Variants in CIMAP2 observed in about 807,000 individuals in gnomAD.
The protein encoded by CIMAP2 is ciliary microtubule-associated protein 2.
chr1:54,813,748 GA>G, the CIMAP2 span: 1 of 1,495,008 alleles, frequency 6.7e-7, no homozygotes, highest in African/African-American at 1.4e-5. Flanking sequence ...GGTTGCGGGG[GA>G]GGGTTGAGAA....
At chr1:54,819,257 T>C in the CIMAP2 span, among the ~76,000 whole-genome samples, 1 of 152,276 alleles carries the variant, frequency 6.6e-6, no homozygotes, top group East Asian at 1.9e-4. Flanking sequence ...TCCTACCCCC[T>C]CTCTTCTCAT....
At chr1:54,820,641 A>G in the CIMAP2 span, among the ~76,000 whole-genome samples, 1 of 152,124 alleles carries the variant, frequency 6.6e-6, no homozygotes, top group Non-Finnish European at 1.5e-5. Flanking sequence ...GGGTGAGATG[A>G]TATCCCTCAA....
the CIMAP2 span, among the ~76,000 whole-genome samples, chr1:54,810,877 C>T: frequency 2.6e-5 from 4 of 152,302 alleles, no homozygotes; most frequent in Admixed American, 6.5e-5. Flanking sequence ...TGCCAGACAC[C>T]GTTGCCTGTG....
the CIMAP2 span, among the ~76,000 whole-genome samples, chr1:54,830,729 T>G: frequency 6.6e-6 from 1 of 152,246 alleles, no homozygotes; most frequent in Non-Finnish European, 1.5e-5. The surrounding 1 kb of genome is among the most constrained non-coding windows in gnomAD (Gnocchi z 4.1). Context: ...GTTTTTGGTT[T>G]CATCTTCATT....
chr1:54,819,920 T>TC, the CIMAP2 span, among the ~76,000 whole-genome samples: 20 of 100,898 alleles, frequency 2.0e-4, 1 homozygote, highest in South Asian at 5.9e-3. Flanking sequence ...CTTCCCTCCC[T>TC]CCCCCCCATA....
chr1:54,808,619 G>GGGGGC, the CIMAP2 span, among the ~76,000 whole-genome samples: 2 of 123,236 alleles, frequency 1.6e-5, 1 homozygote, highest in Non-Finnish European at 3.5e-5. Context: ...TGCCGGGGGA[G>GGGGGC]GGCAGTGGAG....
the CIMAP2 span, chr1:54,817,247 A>G: frequency 7.6e-7 from 1 of 1,311,524 alleles, no homozygotes; most frequent in African/African-American, 1.5e-5. Context: ...ATGCCAGCCA[A>G]ACAGCAGAGG....
the CIMAP2 span, chr1:54,841,872 A>G: frequency 6.4e-7 from 1 of 1,551,664 alleles, no homozygotes; most frequent in Non-Finnish European, 8.7e-7. Flanking sequence ...CCTACTCCTT[A>G]AAGCCACATG....
At chr1:54,840,735 G>T in the CIMAP2 span, among the ~76,000 whole-genome samples, 2 of 152,222 alleles carry the variant, frequency 1.3e-5, no homozygotes, top group African/African-American at 4.8e-5. Flanking sequence ...GTGACAAGAT[G>T]TTGAGGATCT....
chr1:54,813,086 TGCCCATTCTGGCTGGCCAGC>T, the CIMAP2 span, among the ~76,000 whole-genome samples: 91 of 151,776 alleles, frequency 6.0e-4, no homozygotes, highest in Non-Finnish European at 9.7e-4. Flanking sequence ...CTGTGGCCAG[TGCCCATTCTGGCTGGCCAGC>T]GCCCAGGCCA....
the CIMAP2 span, chr1:54,811,766 C>CGGGGGGGGGGCCG: frequency 2.3e-6 from 3 of 1,305,184 alleles, no homozygotes; most frequent in Non-Finnish European, 3.2e-6. Flanking sequence ...GTTCTGACAG[C>CGGGGGGGGGGCCG]CTCCATGCCC....
At chr1:54,828,185 T>TA in the CIMAP2 span, among the ~76,000 whole-genome samples, 8 of 152,342 alleles carry the variant, frequency 5.3e-5, no homozygotes, top group African/African-American at 1.9e-4. Flanking sequence ...GTGTGTTTAC[T>TA]AAAAAATTCC....
the CIMAP2 span, among the ~76,000 whole-genome samples, chr1:54,808,703 C>T: frequency 0.011 from 1,649 of 148,062 alleles, 53 homozygotes; most frequent in East Asian, 0.11. Context: ...TGGGAGGAGG[C>T]GATGGTGCTG....
chr1:54,830,017 A>G, the CIMAP2 span, among the ~76,000 whole-genome samples: 1 of 151,960 alleles, frequency 6.6e-6, no homozygotes, highest in African/African-American at 2.4e-5. The surrounding 1 kb of genome is among the most constrained non-coding windows in gnomAD (Gnocchi z 4.1). Flanking sequence ...GCACTTGTTG[A>G]TTATGGACTC....
the CIMAP2 span, among the ~76,000 whole-genome samples, chr1:54,809,161 T>C: frequency 1 from 152,292 of 152,308 alleles, 76,138 homozygotes; most frequent in Non-Finnish European, 1. Context: ...TTCTTTGCAA[T>C]CACTCCAGAT....
the CIMAP2 span, among the ~76,000 whole-genome samples, chr1:54,817,328 G>T: frequency 6.6e-6 from 1 of 152,202 alleles, no homozygotes; most frequent in Non-Finnish European, 1.5e-5. Flanking sequence ...GGCATGCTGC[G>T]TAACTTCGCT....
At chr1:54,811,767 C>CGGGG in the CIMAP2 span, 8 of 1,088,162 alleles carry the variant, frequency 7.4e-6, no homozygotes, top group Non-Finnish European at 9.5e-6. Flanking sequence ...TTCTGACAGC[C>CGGGG]TCCATGCCCC....
chr1:54,806,237 T>A, the CIMAP2 span: 3 of 1,510,600 alleles, frequency 2.0e-6, no homozygotes, highest in East Asian at 5.2e-5. Context: ...CCCGTTTGCG[T>A]CCTGGGCTCA....
At chr1:54,812,317 T>A in the CIMAP2 span, 1 of 1,339,406 alleles carries the variant, frequency 7.5e-7, no homozygotes, top group Non-Finnish European at 1.0e-6. Flanking sequence ...CCCCCTCACT[T>A]CACCCTCACA....
Sources: gnomAD v4.1 joint callset for allele counts (sites outside exome capture counted in the v4.1 genomes callset) on GRCh38, gnomAD v4.1.1 for gene constraint, Gnocchi (gnomAD v3.1) non-coding constraint, MANE v1.5 for transcripts, NCBI Gene and HGNC (gene_info 2026-07-23, HGNC 2026-07-21) for gene names.